FER: variants seen among roughly 807,000 people sequenced by gnomAD.
The protein encoded by FER is tyrosine-protein kinase Fer.
A neutral mutation model predicts 111.0 loss-of-function variants in FER; 63 were observed. The ratio of observed to expected loss-of-function variants is 0.57; its 90% CI spans 0.46 to 0.70. The LOEUF (loss-of-function observed/expected upper bound fraction) is 0.70. Among genes scored for constraint, FER ranks in the 30% least tolerant of loss-of-function variants. The probability of loss-of-function intolerance (pLI) is 0.00; values close to 1 mark genes in which losing one functional copy is unlikely to be tolerated. For synonymous variants in FER, 327 were observed against 313.9 expected (o/e 1.04, Z -0.44); for missense variants, 914 against 954.0 (o/e 0.96, Z 0.55).
chr5:108,938,730 G>A (rs1411384518), intron 10 of FER, among the ~76,000 whole-genome samples: 5 of 152,008 alleles, frequency 3.3e-5, no homozygotes. Flanking sequence ...ATTGAAAAAT[G>A]GTTACAGCAG....
In FER at chr5:108,806,413, G is replaced by A. The variant is rs377171408; in HGVS notation, c.207+8024G>A. ...AGAGTCCCTACTGGGGCACCACCTA[G>A]TGGAGCTGTGAGAAGAGGGCTACCG... On this transcript the variant is annotated intron_variant, in intron 3 of 19. Coordinates refer to ENST00000281092, the MANE Select transcript of FER (RefSeq NM_005246.4). Among the ~76,000 whole-genome samples the A allele has an allele frequency of 3.3e-5, 5 of 152,228 alleles. No individual in the cohort carries two copies. In the East Asian group the frequency reaches 7.7e-4, roughly 23 times the overall value.
At chr5:108,893,175 T>G (rs1748439771) in intron 9 of FER, among the ~76,000 whole-genome samples, 1 of 152,156 alleles carries the variant, frequency 6.6e-6, no homozygotes. Flanking sequence ...CCATATGAAC[T>G]TTAAAGTAGT....
At chr5:108,779,201 T>G (rs1753792385) in intron 2 of FER, among the ~76,000 whole-genome samples, 1 of 152,164 alleles carries the variant, frequency 6.6e-6, no homozygotes, top group African/African-American at 2.4e-5. Context: ...CTTGTCTTGA[T>G]TACTGTAACT....
At chr5:109,147,965 C>T (rs986015079) in intron 17 of FER, among the ~76,000 whole-genome samples, 1 of 151,794 alleles carries the variant, frequency 6.6e-6, no homozygotes, top group Non-Finnish European at 1.5e-5. Context: ...TTCATCCATA[C>T]TCAAAAATGT....
At chr5:108,941,924 T>A (rs1213235778) in intron 10 of FER, among the ~76,000 whole-genome samples, 1 of 152,098 alleles carries the variant, frequency 6.6e-6, no homozygotes, top group Non-Finnish European at 1.5e-5. Flanking sequence ...TATGGACTCT[T>A]GAGTGATAAT....
At position 109,098,171 on chromosome 5, in the gene FER, T is replaced by C. The variant is rs115083462; in HGVS notation, c.1925-2225T>C. ...TAGTACTTTATTTTCTGGACATCAC[T>C]TTTCATTCATTATTTAATGCTATTT... On this transcript the variant is annotated intron_variant, in intron 16 of 19. Transcript: ENST00000281092. Among the ~76,000 whole-genome samples, 660 of 151,910 alleles carry C rather than the reference T, an allele frequency of 4.3e-3. 7 individuals carry two copies. The highest frequency in any genetic ancestry group is 0.015 in the African/African-American group (620 of 41,538).
intron 5 of FER, among the ~76,000 whole-genome samples, chr5:108,850,493 G>C (rs2150185032): frequency 6.6e-6 from 1 of 152,100 alleles, no homozygotes; most frequent in East Asian, 1.9e-4. Flanking sequence ...TAAGTAATTT[G>C]TCGTTGTGCT....
chr5:109,151,633 G>T (rs1754864023), intron 17 of FER, among the ~76,000 whole-genome samples: 1 of 152,050 alleles, frequency 6.6e-6, no homozygotes, highest in Non-Finnish European at 1.5e-5. Flanking sequence ...AAACAGACTG[G>T]TGTCATTACA....
intron 10 of FER, among the ~76,000 whole-genome samples, chr5:108,917,518 A>G (rs1249991296): frequency 6.6e-6 from 1 of 152,008 alleles, no homozygotes; most frequent in Non-Finnish European, 1.5e-5. Flanking sequence ...GCTCTTCCTT[A>G]TTGTTTTCTT....
chr5:108,828,186 C>G (rs1475230801), intron 3 of FER, among the ~76,000 whole-genome samples: 1 of 152,044 alleles, frequency 6.6e-6, no homozygotes, highest in African/African-American at 2.4e-5. Context: ...GTATTTTGTA[C>G]TTATTTTCAA....
intron 14 of FER, among the ~76,000 whole-genome samples, chr5:109,042,096 C>T (rs577163856): frequency 9.2e-5 from 14 of 151,996 alleles, no homozygotes; most frequent in South Asian, 2.1e-4. Context: ...CTATGCAAGT[C>T]GGAGATAGAT....
intron 13 of FER, among the ~76,000 whole-genome samples, chr5:108,984,775 CGT>C (rs1762386510): frequency 6.6e-6 from 1 of 151,862 alleles, no homozygotes; most frequent in Non-Finnish European, 1.5e-5. Context: ...TCTCTCAATC[CGT>C]GGTGGTGAGA....
chr5:109,046,962 T>G, intron 15 of FER, 142 bp from the exon 16 acceptor site: 1 of 521,968 alleles, frequency 1.9e-6, no homozygotes, highest in Non-Finnish European at 3.4e-6. Flanking sequence ...TACATCCAAT[T>G]TATCATAATT....
At chr5:108,825,693 CCATGAAATCT>C (rs1445828794) in intron 3 of FER, among the ~76,000 whole-genome samples, 2 of 152,086 alleles carry the variant, frequency 1.3e-5, no homozygotes, top group Admixed American at 1.3e-4. Context: ...TGATAAGTGT[CCATGAAATCT>C]TTACAATTTA....
At chr5:109,052,301 G>A (rs909609654) in intron 16 of FER, 8 of 1,608,398 alleles carry the variant, frequency 5.0e-6, no homozygotes, top group African/African-American at 4.0e-5. Context: ...GTGTTACAAC[G>A]AAAGGCAGAC....
intron 17 of FER, among the ~76,000 whole-genome samples, chr5:109,154,316 G>A (rs1175534393): frequency 6.6e-6 from 1 of 151,948 alleles, no homozygotes; most frequent in Non-Finnish European, 1.5e-5. Flanking sequence ...TTGATGAAGT[G>A]TATCACCAGT....
chr5:108,950,769 A>T (rs1318502201), intron 11 of FER, among the ~76,000 whole-genome samples: 3 of 152,188 alleles, frequency 2.0e-5, no homozygotes, highest in Non-Finnish European at 4.4e-5. Context: ...ATTATGTTCA[A>T]CTATCAAACT....
chr5:108,904,970 A>G (rs1284166892), intron 10 of FER, among the ~76,000 whole-genome samples: 1 of 152,118 alleles, frequency 6.6e-6, no homozygotes, highest in Non-Finnish European at 1.5e-5. Flanking sequence ...GTTGTATGTT[A>G]TACTGTATAT....
At chr5:109,073,251 G>A (rs1775967011) in intron 16 of FER, among the ~76,000 whole-genome samples, 1 of 152,116 alleles carries the variant, frequency 6.6e-6, no homozygotes, top group Admixed American at 6.5e-5. Flanking sequence ...AGTAGTTTAT[G>A]TTCTGCTAAA....
Sources: gnomAD v4.1 joint callset for allele counts (sites outside exome capture counted in the v4.1 genomes callset) on GRCh38, gnomAD v4.1.1 for gene constraint, MANE v1.5 for transcripts, NCBI Gene and HGNC (gene_info 2026-07-23, HGNC 2026-07-21) for gene names.